Variants in TRPS1 observed in about 807,000 individuals in gnomAD.
TRPS1 encodes transcriptional repressor GATA binding 1, also known as zinc finger transcription factor Trps1.
Under a neutral mutation model 101.2 loss-of-function variants are expected in TRPS1, and 6 were observed. The observed-to-expected ratio is 0.06, with a 90% CI of 0.03 to 0.12. TRPS1 has a LOEUF of 0.12. Ranked by LOEUF, TRPS1 falls within the 10% of genes least tolerant of loss-of-function variation. The pLI, the probability that TRPS1 is intolerant of heterozygous loss-of-function variation, is 1.00. For synonymous variants in TRPS1, 578 were observed against 589.8 expected, an observed-to-expected ratio of 0.98 and a Z score of 0.29; for missense variants, 1,363 against 1,567.0, an observed-to-expected ratio of 0.87 and a Z score of 2.20.
chr8:115,580,940 C>T (rs772733806), intron 5 of TRPS1, among the ~76,000 whole-genome samples: 15 of 152,066 alleles, frequency 9.9e-5, no homozygotes, highest in Non-Finnish European at 1.9e-4. Flanking sequence ...TAAAGAGACA[C>T]CTGTACCCCC....
intron 1 of TRPS1, among the ~76,000 whole-genome samples, chr8:115,655,916 C>CT (rs1811666972): frequency 6.6e-6 from 1 of 152,084 alleles, no homozygotes; most frequent in Non-Finnish European, 1.5e-5. Context: ...TCGGACCAAA[C>CT]ATTTTGGCAA....
chr8:115,605,954 T>A (rs1043126327), intron 3 of TRPS1, among the ~76,000 whole-genome samples: 1 of 152,026 alleles, frequency 6.6e-6, no homozygotes, highest in Non-Finnish European at 1.5e-5. Flanking sequence ...CAGCCAAAAT[T>A]CAGAGTTAAA....
intron 1 of TRPS1, among the ~76,000 whole-genome samples, chr8:115,663,285 A>T (rs1211491885): frequency 6.6e-6 from 1 of 152,010 alleles, no homozygotes; most frequent in African/African-American, 2.4e-5. Flanking sequence ...TGGCCACTAA[A>T]ACCAATCCAG....
intron 5 of TRPS1, among the ~76,000 whole-genome samples, chr8:115,460,928 A>C (rs1484079183): frequency 6.6e-6 from 1 of 152,188 alleles, no homozygotes; most frequent in Non-Finnish European, 1.5e-5. Context: ...ACTATGTTAC[A>C]AATAATTAAA....
At chr8:115,580,225 G>C (rs73703334) in intron 5 of TRPS1, among the ~76,000 whole-genome samples, 7,111 of 129,850 alleles carry the variant, frequency 0.055, 634 homozygotes, top group African/African-American at 0.22. Context: ...TCTAATGGAA[G>C]GGAGAGAAGA....
At chr8:115,575,414 T>C (rs1224855267) in intron 5 of TRPS1, among the ~76,000 whole-genome samples, 1 of 152,160 alleles carries the variant, frequency 6.6e-6, no homozygotes, top group Non-Finnish European at 1.5e-5. Context: ...TGAGTGAGCA[T>C]GTCTGAGTGT....
At chr8:115,578,784 T>C (rs1405307899) in intron 5 of TRPS1, among the ~76,000 whole-genome samples, 1 of 152,180 alleles carries the variant, frequency 6.6e-6, no homozygotes, top group Admixed American at 6.5e-5. Flanking sequence ...CTTTACAGTA[T>C]ATTGTATTAT....
intron 1 of TRPS1, among the ~76,000 whole-genome samples, chr8:115,660,178 T>C (rs1013625894): frequency 2.0e-5 from 3 of 152,002 alleles, no homozygotes; most frequent in African/African-American, 7.2e-5. Flanking sequence ...ACATATCTGA[T>C]CTTCCATATG....
chr8:115,417,140 T>A (rs1395425216), intron 6 of TRPS1, among the ~76,000 whole-genome samples: 1 of 152,184 alleles, frequency 6.6e-6, no homozygotes, highest in Admixed American at 6.5e-5. Context: ...GTATTTTAAT[T>A]AATTTTTGCC....
At chr8:115,431,148 G>A (rs1813309464) in intron 5 of TRPS1, among the ~76,000 whole-genome samples, 1 of 151,980 alleles carries the variant, frequency 6.6e-6, no homozygotes, top group African/African-American at 2.4e-5. Flanking sequence ...ACTATGGAAT[G>A]TCATGTTTGA....
intron 4 of TRPS1, among the ~76,000 whole-genome samples, chr8:115,591,274 T>C (rs1817674158): frequency 6.6e-6 from 1 of 152,204 alleles, no homozygotes; most frequent in African/African-American, 2.4e-5. Context: ...GAACATGGCA[T>C]ATCTAGGAAT....
At chr8:115,519,318 C>T (rs1815799699) in intron 5 of TRPS1, among the ~76,000 whole-genome samples, 1 of 151,612 alleles carries the variant, frequency 6.6e-6, no homozygotes. Context: ...GATTTACCAG[C>T]ATAACTTCTC....
chr8:115,562,441 G>A (rs1816967533), intron 5 of TRPS1, among the ~76,000 whole-genome samples: 1 of 148,016 alleles, frequency 6.8e-6, no homozygotes, highest in Non-Finnish European at 1.5e-5. Flanking sequence ...GAATTATCAA[G>A]AATTGTTCCC....
intron 3 of TRPS1, among the ~76,000 whole-genome samples, chr8:115,615,083 A>G (rs1222839694): frequency 1.3e-5 from 2 of 152,214 alleles, no homozygotes; most frequent in Non-Finnish European, 2.9e-5. Flanking sequence ...CTCAAACATA[A>G]GACAGTACTT....
chr8:115,615,757 A>T (rs1818263675), intron 3 of TRPS1, among the ~76,000 whole-genome samples: 1 of 152,164 alleles, frequency 6.6e-6, no homozygotes, highest in Non-Finnish European at 1.5e-5. Context: ...TGAGATCTCC[A>T]TCTCCAAAAA....
At chr8:115,594,734 T>C (rs1817750819) in intron 4 of TRPS1, among the ~76,000 whole-genome samples, 2 of 151,960 alleles carry the variant, frequency 1.3e-5, no homozygotes, top group African/African-American at 4.8e-5. Context: ...ATTTCATTCA[T>C]TAGTAGAGAA....
intron 5 of TRPS1, among the ~76,000 whole-genome samples, chr8:115,433,281 G>GA (rs150663207): frequency 6.0e-5 from 9 of 150,726 alleles, no homozygotes; most frequent in Non-Finnish European, 1.0e-4. Flanking sequence ...TTTTACTTTT[G>GA]AAAAAAAACA....
intron 1 of TRPS1, among the ~76,000 whole-genome samples, chr8:115,636,219 T>C (rs1301743877): frequency 6.6e-6 from 1 of 152,146 alleles, no homozygotes; most frequent in Non-Finnish European, 1.5e-5. Context: ...AAAAGCTTAA[T>C]AGTCTGGCTA....
In TRPS1 at chr8:115,591,857, T is replaced by C. The variant is rs16887556; in HGVS notation, c.2097-4253A>G. On this transcript the variant is annotated intron_variant, in intron 4 of 6. Transcript: ENST00000395715. ...TTCTTTTGAAAGTTCAAAGCACTCATGTCTACAGGTTCTCATGTTCCACTG... is the reference window on the plus strand; with the variant it reads ...TTCTTTTGAAAGTTCAAAGCACTCACGTCTACAGGTTCTCATGTTCCACTG... 6.9e-3 allele frequency among the ~76,000 whole-genome samples: 1,052 copies of C among 152,298 alleles called. 17 individuals carry two copies. Among genetic ancestry groups the C allele is most frequent in the African/African-American group, 0.024 (1,003 of 41,578 alleles).
Sources: gnomAD v4.1 joint callset for allele counts (sites outside exome capture counted in the v4.1 genomes callset) on GRCh38, gnomAD v4.1.1 for gene constraint, MANE v1.5 for transcripts, NCBI Gene and HGNC (gene_info 2026-07-23, HGNC 2026-07-21) for gene names.